The following CTCF variants were observed in gnomAD, a reference collection of about 807,000 sequenced individuals.
CTCF encodes the protein transcriptional repressor CTCF.
In CTCF, 7 loss-of-function variants were observed where a neutral mutation model predicts 72.3. The ratio of observed to expected loss-of-function variants is 0.10; its 90% CI spans 0.06 to 0.18. CTCF has a LOEUF of 0.18. Ranked by LOEUF, CTCF falls within the 10% of genes least tolerant of loss-of-function variation. The probability of loss-of-function intolerance (pLI) is 1.00; values close to 1 mark genes in which losing one functional copy is unlikely to be tolerated. For missense variants in CTCF, 516 were observed against 949.1 expected (o/e 0.54, Z 6.00); for synonymous variants, 374 against 315.8 (o/e 1.18, Z -1.95).
At position 67,612,045 on chromosome 16, in the gene CTCF, A is replaced by G. The variant is rs1344443912; in HGVS notation, c.876A>G (p.Arg292=). 5.6e-6 allele frequency: 9 copies of G among 1,614,112 alleles called. No homozygotes were observed. The highest frequency in any genetic ancestry group is 7.6e-6 in the Non-Finnish European group (9 of 1,179,992). The change falls in exon 4 of 12, where the codon AGA becomes AGG. Residue 292 remains arginine (R), a synonymous_variant. Transcript: ENST00000264010. Reference sequence around the variant, plus strand: ...ACATGAAAAGCCACACTGATGAGAGACCACACAAGTGCCATCTCTGTGGCA... The same window carrying G: ...ACATGAAAAGCCACACTGATGAGAGGCCACACAAGTGCCATCTCTGTGGCA... ...DRHMKSHTDE[R]PHKCHLCGRA...
At chr16:67,596,018 C>CT (rs2051809927) in intron 2 of CTCF, among the ~76,000 whole-genome samples, 1 of 151,500 alleles carries the variant, frequency 6.6e-6, no homozygotes, top group Non-Finnish European at 1.5e-5. Context: ...CAGTGGCATA[C>CT]TTTCGGCTCA....
At chr16:67,605,303 A>G (rs750418641) in intron 2 of CTCF, among the ~76,000 whole-genome samples, 3 of 152,228 alleles carry the variant, frequency 2.0e-5, no homozygotes, top group African/African-American at 4.8e-5. Context: ...AAATACTAGC[A>G]CTTTGCTCAT....
At chr16:67,581,764 A>G (rs1053162427) in intron 2 of CTCF, among the ~76,000 whole-genome samples, 8 of 151,754 alleles carry the variant, frequency 5.3e-5, no homozygotes, top group South Asian at 2.1e-4. Flanking sequence ...CGGCCTCCCA[A>G]AGTGTTGGGA....
intron 10 of CTCF, among the ~76,000 whole-genome samples, chr16:67,636,150 T>C (rs532749889): frequency 6.2e-4 from 94 of 152,002 alleles, no homozygotes; most frequent in Admixed American, 1.0e-3. Flanking sequence ...CCGAGGCAGG[T>C]GGATCACCTG....
At chr16:67,631,163 TTG>T (rs201521277) in intron 10 of CTCF, among the ~76,000 whole-genome samples, 2 of 134,914 alleles carry the variant, frequency 1.5e-5, no homozygotes, top group Non-Finnish European at 3.3e-5. Flanking sequence ...TGTTTTTTTT[TTG>T]TTTTTTGTTT....
rs115407763 is a variant in CTCF, at chr16:67,568,718, C to T, written c.-126-2430C>T. Among the ~76,000 whole-genome samples, 962 of 151,726 alleles carry T rather than the reference C, an allele frequency of 6.3e-3. 5 individuals are homozygous for T. Among genetic ancestry groups the T allele is most frequent in the African/African-American group, 0.021 (873 of 41,350 alleles). On this transcript the variant is annotated intron_variant, in intron 1 of 11. Coordinates refer to ENST00000264010, the MANE Select transcript of CTCF (RefSeq NM_006565.4). Reference sequence around the variant, plus strand: ...CTAATTTTTATGTATTTTGTAGAGACGGGGTTTTGCCATGTTGCCCTGACT... The same window carrying T: ...CTAATTTTTATGTATTTTGTAGAGATGGGGTTTTGCCATGTTGCCCTGACT...
At chr16:67,629,732 C>T (rs552915490) in intron 10 of CTCF, among the ~76,000 whole-genome samples, 199 bp downstream of exon 10, 11 of 120,706 alleles carry the variant, frequency 9.1e-5, no homozygotes, top group South Asian at 2.7e-4. Flanking sequence ...CGTGGCATTC[C>T]GCTCATTAAT....
chr16:67,612,288 TA>T, intron 4 of CTCF, 167 bp downstream of exon 4: 1 of 555,536 alleles, frequency 1.8e-6, no homozygotes, highest in Middle Eastern at 5.0e-4. Context: ...TTAGTTATTA[TA>T]GACAAATGTA....
intron 5 of CTCF, among the ~76,000 whole-genome samples, chr16:67,619,445 C>CA (rs905586613): frequency 4.0e-5 from 6 of 151,408 alleles, no homozygotes; most frequent in Admixed American, 1.3e-4. Context: ...CAAAAAAAAC[C>CA]AAAAAAAACT....
chr16:67,603,949 T>C (rs1455145252), intron 2 of CTCF, among the ~76,000 whole-genome samples: 1 of 149,112 alleles, frequency 6.7e-6, no homozygotes, highest in Non-Finnish European at 1.5e-5. Flanking sequence ...TGCAACATGG[T>C]GAAACCCCAC....
chr16:67,636,616 T>C (rs2052433646), intron 10 of CTCF, 74 bp from the exon 11 acceptor site: 2 of 912,678 alleles, frequency 2.2e-6, no homozygotes, highest in Non-Finnish European at 3.1e-6. Flanking sequence ...TCAAATAATA[T>C]ATAATTGTTT....
In CTCF at chr16:67,591,282, ACT is replaced by A. The variant is rs577592383; in HGVS notation, c.-9-19539_-9-19538del. On this transcript the variant is annotated intron_variant, in intron 2 of 11. Transcript: ENST00000264010. ...ACTCCAGCCTGGGTGACAGAGCGAG[ACT>A]CTGTCTCAAAAAATAAATGAAAATT... Among the ~76,000 whole-genome samples, 528 of 152,258 alleles carry A rather than the reference ACT, an allele frequency of 3.5e-3. 3 individuals carry two copies. The highest frequency in any genetic ancestry group is 0.012 in the African/African-American group (482 of 41,558).
chr16:67,564,570 G>T (rs755643304), intron 1 of CTCF, among the ~76,000 whole-genome samples: 1 of 152,142 alleles, frequency 6.6e-6, no homozygotes, highest in Non-Finnish European at 1.5e-5. Context: ...TTAGACTTGG[G>T]AATAGAATCA....
chr16:67,598,897 C>A (rs2051850138), intron 2 of CTCF, among the ~76,000 whole-genome samples: 1 of 152,192 alleles, frequency 6.6e-6, no homozygotes, highest in African/African-American at 2.4e-5. Flanking sequence ...GGCCTCAGAG[C>A]AGCTCCGTAA....
chr16:67,608,555 G>A (rs1192121151), intron 2 of CTCF, among the ~76,000 whole-genome samples: 1 of 152,118 alleles, frequency 6.6e-6, no homozygotes, highest in Non-Finnish European at 1.5e-5. Flanking sequence ...GGGAATTGCT[G>A]TTGAGTGGGT....
chr16:67,636,875 G>A, intron 11 of CTCF, 24 bp downstream of exon 11: 1 of 1,470,432 alleles, frequency 6.8e-7, no homozygotes. Flanking sequence ...CTCTGCTCTG[G>A]AGGCTGGCGT....
intron 2 of CTCF, among the ~76,000 whole-genome samples, chr16:67,577,374 AG>A (rs2051511635): frequency 6.7e-6 from 1 of 150,026 alleles, no homozygotes; most frequent in South Asian, 2.1e-4. Flanking sequence ...AAAAAAAAAA[AG>A]GATAATGAAA....
chr16:67,614,036 C>T (rs1597715866), intron 4 of CTCF, among the ~76,000 whole-genome samples: 1 of 151,980 alleles, frequency 6.6e-6, no homozygotes, highest in Admixed American at 6.6e-5. Context: ...TTCTAGGGGG[C>T]GCCTTTGCCT....
chr16:67,611,431 C>G lies in CTCF; in HGVS notation c.599C>G (p.Pro200Arg), dbSNP rs1383354040. ...SWQKDPDYQPPAKKTKKTKKS... is the reference protein window; with the variant it reads ...SWQKDPDYQPRAKKTKKTKKS... Reference sequence around the variant, plus strand: ...CAAAAAGACCCAGACTATCAGCCACCAGCCAAAAAAACAAAGAAAACCAAA... The same window carrying G: ...CAAAAAGACCCAGACTATCAGCCACGAGCCAAAAAAACAAAGAAAACCAAA... The change falls in exon 3 of 12, where the codon CCA (proline) becomes CGA (arginine). Residue 200 changes from proline (P) to arginine (R), a missense_variant. This residue lies in a region of CTCF where 53 missense variants were observed against 63.6 expected (regional missense o/e 0.83). Transcript: ENST00000264010. 6.2e-7 allele frequency: 1 copy of G among 1,614,028 alleles called. No homozygotes were observed. Among genetic ancestry groups the G allele is most frequent in the East Asian group, 2.2e-5 (1 of 44,878 alleles).
Sources: gnomAD v4.1 joint callset for allele counts (sites outside exome capture counted in the v4.1 genomes callset) on GRCh38, gnomAD v4.1.1 for gene constraint, gnomAD v4.1.1 regional missense constraint, MANE v1.5 for transcripts, NCBI Gene and HGNC (gene_info 2026-07-23, HGNC 2026-07-21) for gene names.